The following POU3F1 variants were observed in gnomAD, a reference collection of about 807,000 sequenced individuals.
POU3F1 encodes the protein POU domain, class 3, transcription factor 1.
Under a neutral mutation model 7.6 loss-of-function variants are expected in POU3F1, and 1 was observed. The ratio of observed to expected loss-of-function variants is 0.13; its 90% CI spans 0.05 to 0.62. POU3F1 has a LOEUF of 0.62. POU3F1 is among the 20% of genes least tolerant of loss of function. The pLI, the probability that POU3F1 is intolerant of heterozygous loss-of-function variation, is 0.87. For missense variants in POU3F1, 505 were observed against 679.3 expected (o/e 0.74, Z 2.85); for synonymous variants, 354 against 339.0 (o/e 1.04, Z -0.49).
In POU3F1 at chr1:38,046,781, C is replaced by CCGCTCCGTCTGCGGGCCCCGCCGCCT; in HGVS notation, c.-39_-38insAGGCGGCGGGGCCCGCAGACGGAGCG. 1 of 985,264 alleles carries CCGCTCCGTCTGCGGGCCCCGCCGCCT rather than the reference C, an allele frequency of 1.0e-6. No homozygotes were observed. The highest frequency in any genetic ancestry group is 1.2e-6 in the Non-Finnish European group (1 of 831,128). The allele number at this position is 985,264 out of a possible 1,614,324, so 61.0% of individuals were successfully genotyped here. On this transcript the variant is annotated 5_prime_UTR_variant, in exon 1 of 1. Coordinates refer to ENST00000373012, the MANE Select transcript of POU3F1 (RefSeq NM_002699.4). This position sits in a 1 kb window ranked among gnomAD's most constrained non-coding sequence, Gnocchi z 9.5. ...CCTGCGCCGCGCCGCCGCCGCCGCTCCGCTCCGTCTGCGGGCCCCGCCGCC... is the reference window on the plus strand; with the variant it reads ...CCTGCGCCGCGCCGCCGCCGCCGCTCCGCTCCGTCTGCGGGCCCCGCCGCCTCGCTCCGTCTGCGGGCCCCGCCGCC...
rs973525435 is a variant in POU3F1 at position 38,046,013 on chromosome 1, T to A, written c.731A>T (p.His244Leu). The A allele has an allele frequency of 6.2e-7, 1 of 1,602,896 alleles. No homozygotes were observed. The highest frequency in any genetic ancestry group is 1.4e-5 in the African/African-American group (1 of 74,010). ...CGAGCTGGGCGCATCCTCGTCCGAG[T>A]GCTCGCCCACCGATGAGCCGCCGCC... ...AGGGGSSVGE[H>L]SDEDAPSSDD... The change falls in exon 1 of 1, where the codon CAC becomes CTC. Residue 244 changes from histidine (H) to leucine (L), a missense_variant. Physicochemically the swap from His to Leu is moderately conservative, Grantham distance 99. Around this residue, in one of 5 missense-constraint regions of POU3F1, gnomAD observed 361 missense variants for 382.1 expected, o/e 0.94. Coordinates refer to ENST00000373012, the MANE Select transcript of POU3F1 (RefSeq NM_002699.4). This position sits in a 1 kb window ranked among gnomAD's most constrained non-coding sequence, Gnocchi z 9.5.
In POU3F1 at chr1:38,046,060, C is replaced by T. The variant is rs1448259629; in HGVS notation, c.684G>A (p.Ala228=). The change falls in exon 1 of 1, where the codon GCG becomes GCA. Residue 228 remains alanine, a synonymous_variant. Transcript: ENST00000373012. The surrounding 1 kb of genome is among the most constrained non-coding windows in gnomAD (Gnocchi z 9.5). ...CGCCGCCCGCGCCCGGGTGCAGGTG[C>T]GCCGCCGCCGCGTGCAGGCCGCCCG... is the stretch of plus-strand genomic sequence containing the variant. ...AHAGGLHAAA[A]HLHPGAGGGG... The T allele has an allele frequency of 2.0e-6, 3 of 1,479,124 alleles. No individual in the cohort carries two copies. The highest frequency in any genetic ancestry group is 1.8e-6 in the Non-Finnish European group (2 of 1,123,680). The allele number at this position is 1,479,124 out of a possible 1,614,324, so 91.6% of individuals were successfully genotyped here.
Position 38,046,436 on chromosome 1 carries a change from G to A in POU3F1, c.308C>T (p.Ala103Val). 1 of 1,304,850 alleles carries A rather than the reference G, an allele frequency of 7.7e-7. No individual in the cohort carries two copies. Among genetic ancestry groups the A allele is most frequent in the South Asian group, 2.0e-5 (1 of 50,576 alleles). 80.8% of individuals were successfully genotyped at this position (1,304,850 alleles called of 1,614,324 possible). The change falls in exon 1 of 1, where the codon GCC (alanine) becomes GTC (valine). Residue 103 changes from alanine (A) to valine (V), a missense_variant. Physicochemically the swap from Ala to Val is moderately conservative, Grantham distance 64 (BLOSUM62 0). Around this residue, in one of 5 missense-constraint regions of POU3F1, gnomAD observed 361 missense variants for 382.1 expected, o/e 0.94. Coordinates refer to ENST00000373012, the MANE Select transcript of POU3F1 (RefSeq NM_002699.4). This position sits in a 1 kb window ranked among gnomAD's most constrained non-coding sequence, Gnocchi z 9.5. ...ACCTCCGCCGCCGCCGCCGTCGTCGGCTCGGCCGGTGCCGCCGCCGCCTGC... is the reference window on the plus strand; with the variant it reads ...ACCTCCGCCGCCGCCGCCGTCGTCGACTCGGCCGGTGCCGCCGCCGCCTGC... ...GKAGGGGTGR[A>V]DDGGGGGGFH...
rs1017994664 is a variant in POU3F1, at chr1:38,045,779, G to A, written c.965C>T (p.Ser322Leu). 1.9e-6 allele frequency: 3 copies of A among 1,613,870 alleles called. 1 individual carries two copies. Among genetic ancestry groups the A allele is most frequent in the South Asian group, 1.1e-5 (1 of 91,080 alleles). The change falls in exon 1 of 1, where the codon TCG (serine) becomes TTG (leucine). Residue 322 changes from serine to leucine, a missense_variant. Physicochemically the swap from Ser to Leu is moderately radical, Grantham distance 145 (BLOSUM62 -2). Coordinates refer to ENST00000373012, the MANE Select transcript of POU3F1 (RefSeq NM_002699.4). This position sits in a 1 kb window ranked among gnomAD's most constrained non-coding sequence, Gnocchi z 9.4. Reference protein sequence around the residue: ...LLNKWLEETDSSSGSPTNLDK... With the variant: ...LLNKWLEETDLSSGSPTNLDK... ...CAGGTTGGTGGGGCTGCCGCTGGACGAGTCGGTCTCCTCCAGCCACTTGTT... is the reference window on the plus strand; with the variant it reads ...CAGGTTGGTGGGGCTGCCGCTGGACAAGTCGGTCTCCTCCAGCCACTTGTT...
chr1:38,046,327 C>T lies in POU3F1; in HGVS notation c.417G>A (p.Pro139=). The stretch of plus-strand genomic sequence containing the variant: ...TGGCCCCGGGCGAGGGCGACATGGC[C>T]GGGCCCAAGTGGTGCGCTGTGCTGC... ...AQGSTAHHLG[P]AMSPSPGASG... Residue 139 remains proline (P), a synonymous_variant, in exon 1 of 1, where the codon CCG becomes CCA. Coordinates refer to ENST00000373012, the MANE Select transcript of POU3F1 (RefSeq NM_002699.4). The surrounding 1 kb of genome is among the most constrained non-coding windows in gnomAD (Gnocchi z 9.5). The T allele has an allele frequency of 8.3e-7, 1 of 1,210,444 alleles. No individual in the cohort carries two copies. 75.0% of individuals were successfully genotyped at this position (1,210,444 alleles called of 1,614,324 possible). A position where few individuals can be genotyped will look rare whatever the true frequency, so the allele number is the denominator to read the frequency against.
rs1646863453 is a variant in POU3F1, at chr1:38,046,590, G to A, written c.154C>T (p.Leu52=). The stretch of plus-strand genomic sequence containing the variant: ...GCGCCCAGCCACTCGTGGTGCATCA[G>A]CTTCTGCACTTCGCGGTACGCGGCC... ...AGAAYREVQK[L]MHHEWLGAGA... is the part of the protein sequence containing the mutation. The change falls in exon 1 of 1, where the codon CTG becomes TTG. Residue 52 remains leucine, a synonymous_variant. Transcript: ENST00000373012. This position sits in a 1 kb window ranked among gnomAD's most constrained non-coding sequence, Gnocchi z 9.5. 7.2e-7 allele frequency: 1 copy of A among 1,382,926 alleles called. No individual in the cohort carries two copies. Among genetic ancestry groups the A allele is most frequent in the Non-Finnish European group, 9.4e-7 (1 of 1,062,970 alleles). 85.7% of individuals were successfully genotyped at this position (1,382,926 alleles called of 1,614,324 possible). A position where few individuals can be genotyped will look rare whatever the true frequency, so the allele number is the denominator to read the frequency against.
At position 38,044,021 on chromosome 1, in the gene POU3F1, G is replaced by A. The variant is rs1162731402; in HGVS notation, c.*1367C>T. ...AACAAACAGAAGAAGAAACGGAGAAGGGGGAAGCTCCAAACACATCCAGAA... is the reference window on the plus strand; with the variant it reads ...AACAAACAGAAGAAGAAACGGAGAAAGGGGAAGCTCCAAACACATCCAGAA... On this transcript the variant is annotated 3_prime_UTR_variant, in exon 1 of 1. Transcript: ENST00000373012. 1.3e-5 allele frequency among the ~76,000 whole-genome samples: 2 copies of A among 151,432 alleles called. No homozygotes were observed. Among genetic ancestry groups the A allele is most frequent in the African/African-American group, 4.9e-5 (2 of 41,174 alleles).
Position 38,046,045 on chromosome 1 carries a change from G to C in POU3F1, c.699C>G (p.Gly233=), listed in dbSNP as rs760133708. ...CCACCGATGAGCCGCCGCCGCCCGC[G>C]CCCGGGTGCAGGTGCGCCGCCGCCG... ...LHAAAAHLHP[G]AGGGGSSVGE... is the part of the protein sequence containing the mutation. The change falls in exon 1 of 1, where the codon GGC becomes GGG. Residue 233 remains glycine (G), a synonymous_variant. Coordinates refer to ENST00000373012, the MANE Select transcript of POU3F1 (RefSeq NM_002699.4). This position sits in a 1 kb window ranked among gnomAD's most constrained non-coding sequence, Gnocchi z 9.5. 71 of 1,552,010 alleles carry C rather than the reference G, an allele frequency of 4.6e-5. No homozygotes were observed. In the South Asian group the frequency reaches 8.3e-4, roughly 18 times the overall value.
rs1646863648 is a variant in POU3F1 at position 38,046,620 on chromosome 1, C to A, written c.124G>T (p.Ala42Ser). 4 of 1,360,784 alleles carry A rather than the reference C, an allele frequency of 2.9e-6. No homozygotes were observed. In the East Asian group the frequency reaches 9.9e-5, roughly 34 times the overall value. The allele number at this position is 1,360,784 out of a possible 1,614,324, so 84.3% of individuals were successfully genotyped here. Residue 42 changes from alanine (A) to serine (S), a missense_variant, in exon 1 of 1, where the codon GCA becomes TCA. Physicochemically the swap from Ala to Ser is moderately conservative, Grantham distance 99. Transcript: ENST00000373012. The surrounding 1 kb of genome is among the most constrained non-coding windows in gnomAD (Gnocchi z 9.5). ...TGCACTTCGCGGTACGCGGCCCCTGCATGCAATCGCTCCGCGGCCGCCGCC... is the reference window on the plus strand; with the variant it reads ...TGCACTTCGCGGTACGCGGCCCCTGAATGCAATCGCTCCGCGGCCGCCGCC... ...AAAAAAERLH[A>S]GAAYREVQKL...
Position 38,046,446 on chromosome 1 carries a change from T to TGCC in POU3F1, c.295_297dup (p.Gly99dup), listed in dbSNP as rs774350895. The TGCC allele has an allele frequency of 3.2e-5, 42 of 1,306,992 alleles. No individual in the cohort carries two copies. The East Asian group carries it at 5.6e-4, about 17-fold the overall frequency. 81.0% of individuals were successfully genotyped at this position (1,306,992 alleles called of 1,614,324 possible). A position where few individuals can be genotyped will look rare whatever the true frequency, so the allele number is the denominator to read the frequency against. The stretch of plus-strand genomic sequence containing the variant: ...CCGCCGCCGTCGTCGGCTCGGCCGG[T>TGCC]GCCGCCGCCGCCTGCCTTGCCGTGT... On this transcript the variant is annotated inframe_insertion, in exon 1 of 1. Coordinates refer to ENST00000373012, the MANE Select transcript of POU3F1 (RefSeq NM_002699.4). The surrounding 1 kb of genome is among the most constrained non-coding windows in gnomAD (Gnocchi z 9.5).
In POU3F1 at chr1:38,045,559, C is replaced by T. The variant is rs145557249; in HGVS notation, c.1185G>A (p.Lys395=). The stretch of plus-strand genomic sequence containing the variant: ...CCGCGCCGGCCGCAGGGGTCATGCG[C>T]TTCTCCTTCTGCCGCCGGTTGCAGA... ...VWFCNRRQKE[K]RMTPAAGAGH... The change falls in exon 1 of 1, where the codon AAG becomes AAA. Residue 395 remains lysine, a synonymous_variant. Coordinates refer to ENST00000373012, the MANE Select transcript of POU3F1 (RefSeq NM_002699.4). This position sits in a 1 kb window ranked among gnomAD's most constrained non-coding sequence, Gnocchi z 9.4. The T allele has an allele frequency of 6.9e-5, 111 of 1,608,634 alleles. No homozygotes were observed. In the Middle Eastern group the frequency reaches 1.2e-3, roughly 17 times the overall value.
At position 38,046,538 on chromosome 1, in the gene POU3F1, G is replaced by A. The variant is rs1201801375; in HGVS notation, c.206C>T (p.Ala69Val). ...TCCCGTGGGTAGCCACTGGGGGTGC[G>A]CTAGGCCCACGGGGTGGCCCGCGCC... is the stretch of plus-strand genomic sequence containing the variant. Reference protein sequence around the residue: ...GAGAGHPVGLAHPQWLPTGGG... With the variant: ...GAGAGHPVGLVHPQWLPTGGG... The change falls in exon 1 of 1, where the codon GCG becomes GTG. Residue 69 changes from alanine to valine, a missense_variant. Transcript: ENST00000373012. This position sits in a 1 kb window ranked among gnomAD's most constrained non-coding sequence, Gnocchi z 9.5. 1 of 1,373,106 alleles carries A rather than the reference G, an allele frequency of 7.3e-7. No homozygotes were observed. Among genetic ancestry groups the A allele is most frequent in the South Asian group, 1.6e-5 (1 of 63,602 alleles). The allele number at this position is 1,373,106 out of a possible 1,614,324, so 85.1% of individuals were successfully genotyped here.
chr1:38,046,012 G>C lies in POU3F1; in HGVS notation c.732C>G (p.His244Gln), dbSNP rs775275362. 2 of 1,604,332 alleles carry C rather than the reference G, an allele frequency of 1.2e-6. No individual in the cohort carries two copies. Among genetic ancestry groups the C allele is most frequent in the Non-Finnish European group, 1.7e-6 (2 of 1,177,248 alleles). ...CCGAGCTGGGCGCATCCTCGTCCGAGTGCTCGCCCACCGATGAGCCGCCGC... is the reference window on the plus strand; with the variant it reads ...CCGAGCTGGGCGCATCCTCGTCCGACTGCTCGCCCACCGATGAGCCGCCGC... ...AGGGGSSVGE[H>Q]SDEDAPSSDD... The change falls in exon 1 of 1, where the codon CAC becomes CAG. Residue 244 changes from histidine to glutamine, a missense_variant. By Grantham distance (24) the His-to-Gln change is conservative. Around this residue, in one of 5 missense-constraint regions of POU3F1, gnomAD observed 361 missense variants for 382.1 expected, o/e 0.94. Coordinates refer to ENST00000373012, the MANE Select transcript of POU3F1 (RefSeq NM_002699.4). The surrounding 1 kb of genome is among the most constrained non-coding windows in gnomAD (Gnocchi z 9.5).
chr1:38,046,402 C>G lies in POU3F1; in HGVS notation c.342G>C (p.Ala114=), dbSNP rs1414482756. 3 of 1,258,604 alleles carry G rather than the reference C, an allele frequency of 2.4e-6. No homozygotes were observed. The highest frequency in any genetic ancestry group is 2.0e-6 in the Non-Finnish European group (2 of 1,006,218). The allele number at this position is 1,258,604 out of a possible 1,614,324, so 78.0% of individuals were successfully genotyped here. Residue 114 remains alanine (A), a synonymous_variant, in exon 1 of 1, where the codon GCG becomes GCC. Transcript: ENST00000373012. This position sits in a 1 kb window ranked among gnomAD's most constrained non-coding sequence, Gnocchi z 9.5. ...DDGGGGGGFH[A]RLVHQGAAHA... ...GGGCCGCCCCCTGGTGCACCAGGCG[C>G]GCGTGGAAACCTCCGCCGCCGCCGC...
Position 38,045,494 on chromosome 1 carries a change from A to G in POU3F1, c.1250T>C (p.Leu417Pro). Residue 417 changes from leucine (L) to proline (P), a missense_variant, in exon 1 of 1, where the codon CTA becomes CCA. Leu to Pro is a moderately conservative substitution (Grantham distance 98). This residue lies in a region of POU3F1 where 72 missense variants were observed against 93.7 expected (regional missense o/e 0.77). Transcript: ENST00000373012. The surrounding 1 kb of genome is among the most constrained non-coding windows in gnomAD (Gnocchi z 9.4). ...CGATGCGCCGCCCCCGCCAGGCCCT[A>G]GCTCCCCAGGCGCGTATACATCGTC... Reference protein sequence around the residue: ...PMDDVYAPGELGPGGGGASPP... With the variant: ...PMDDVYAPGEPGPGGGGASPP... The G allele has an allele frequency of 1.3e-6, 2 of 1,543,288 alleles. No homozygotes were observed. The highest frequency in any genetic ancestry group is 8.7e-7 in the Non-Finnish European group (1 of 1,146,938).
In POU3F1 at chr1:38,044,265, C is replaced by G. The variant is rs1006225419; in HGVS notation, c.*1123G>C. Among the ~76,000 whole-genome samples the G allele has an allele frequency of 6.6e-6, 1 of 152,286 alleles. No individual in the cohort carries two copies. Among genetic ancestry groups the G allele is most frequent in the African/African-American group, 2.4e-5 (1 of 41,480 alleles). On this transcript the variant is annotated 3_prime_UTR_variant, in exon 1 of 1. Coordinates refer to ENST00000373012, the MANE Select transcript of POU3F1 (RefSeq NM_002699.4). Reference sequence around the variant, plus strand: ...CAAACTTGGGGAATTTCTCTCCCGGCCTCCCCTGGCATCCCGCATCCCGGC... The same window carrying G: ...CAAACTTGGGGAATTTCTCTCCCGGGCTCCCCTGGCATCCCGCATCCCGGC...
In POU3F1 at chr1:38,046,246, C is replaced by A. The variant is rs973107524; in HGVS notation, c.498G>T (p.Gly166=). 1.9e-6 allele frequency: 2 copies of A among 1,067,552 alleles called. No individual in the cohort carries two copies. The highest frequency in any genetic ancestry group is 2.3e-6 in the Non-Finnish European group (2 of 888,482). The allele number at this position is 1,067,552 out of a possible 1,614,324, so 66.1% of individuals were successfully genotyped here. Residue 166 remains glycine, a synonymous_variant, in exon 1 of 1, where the codon GGG becomes GGT. Coordinates refer to ENST00000373012, the MANE Select transcript of POU3F1 (RefSeq NM_002699.4). This position sits in a 1 kb window ranked among gnomAD's most constrained non-coding sequence, Gnocchi z 9.5. Reference sequence around the variant, plus strand: ...TCCCGGCCAGGCCGCCGCCGCCGCCCCCCGGGTAGGCCGCCTGCGCGTACA... The same window carrying A: ...TCCCGGCCAGGCCGCCGCCGCCGCCACCCGGGTAGGCCGCCTGCGCGTACA... ...LGLYAQAAYP[G]GGGGGLAGML...
rs1462577444 is a variant in POU3F1, at chr1:38,043,864, C to T, written c.*1524G>A. 6.6e-6 allele frequency among the ~76,000 whole-genome samples: 1 copy of T among 151,786 alleles called. No homozygotes were observed. The highest frequency in any genetic ancestry group is 1.5e-5 in the Non-Finnish European group (1 of 67,986). On this transcript the variant is annotated 3_prime_UTR_variant, in exon 1 of 1. Coordinates refer to ENST00000373012, the MANE Select transcript of POU3F1 (RefSeq NM_002699.4). This position sits in a 1 kb window ranked among gnomAD's most constrained non-coding sequence, Gnocchi z 4.5. Reference sequence around the variant, plus strand: ...GTTTATGTGAGTAATAAAATATTTACTATAACATAAATATAAAGGGAACTT... The same window carrying T: ...GTTTATGTGAGTAATAAAATATTTATTATAACATAAATATAAAGGGAACTT...
chr1:38,046,712 C>A lies in POU3F1; in HGVS notation c.32G>T (p.Gly11Val), dbSNP rs1202516455. 2 of 1,154,360 alleles carry A rather than the reference C, an allele frequency of 1.7e-6. No individual in the cohort carries two copies. Among genetic ancestry groups the A allele is most frequent in the Non-Finnish European group, 1.1e-6 (1 of 944,790 alleles). 71.5% of individuals were successfully genotyped at this position (1,154,360 alleles called of 1,614,324 possible). A position where few individuals can be genotyped will look rare whatever the true frequency, so the allele number is the denominator to read the frequency against. The change falls in exon 1 of 1, where the codon GGC (glycine) becomes GTC (valine). Residue 11 changes from glycine (G) to valine (V), a missense_variant. By Grantham distance (109) the Gly-to-Val change is moderately radical. This residue lies in a region of POU3F1 where 361 missense variants were observed against 382.1 expected (regional missense o/e 0.94). Transcript: ENST00000373012. This position sits in a 1 kb window ranked among gnomAD's most constrained non-coding sequence, Gnocchi z 9.5. MATTAQYLPR[G>V]PGGGAGGTGP... Reference sequence around the variant, plus strand: ...GGTGCCCCCGGCTCCGCCACCGGGGCCCCGCGGCAGGTACTGCGCGGTGGT... The same window carrying A: ...GGTGCCCCCGGCTCCGCCACCGGGGACCCGCGGCAGGTACTGCGCGGTGGT...
Sources: allele counts gnomAD v4.1 joint callset (sites outside exome capture counted in the v4.1 genomes callset), GRCh38; gene constraint gnomAD v4.1.1; regional missense constraint gnomAD v4.1.1; non-coding constraint Gnocchi (gnomAD v3.1); transcripts MANE v1.5; gene names NCBI Gene and HGNC (gene_info 2026-07-23, HGNC 2026-07-21).